SLC25A12: variants seen among roughly 807,000 people sequenced by gnomAD.
SLC25A12 encodes the protein solute carrier family 25 member 12, also known as electrogenic aspartate/glutamate antiporter SLC25A12, mitochondrial.
SLC25A12 carries 32 observed loss-of-function variants against 83.3 expected under a neutral mutation model. The ratio of observed to expected loss-of-function variants is 0.38; its 90% CI spans 0.29 to 0.52. The LOEUF (loss-of-function observed/expected upper bound fraction) is 0.52. Among genes scored for constraint, SLC25A12 ranks in the 20% least tolerant of loss-of-function variants. The probability of loss-of-function intolerance (pLI) is 0.84; values close to 1 mark genes in which losing one functional copy is unlikely to be tolerated. For missense variants in SLC25A12, 611 were observed against 835.6 expected, an observed-to-expected ratio of 0.73 and a Z score of 3.31; for synonymous variants, 267 against 291.1, an observed-to-expected ratio of 0.92 and a Z score of 0.84.
At chr2:171,844,920 C>G (rs1445376801) in intron 4 of SLC25A12, among the ~76,000 whole-genome samples, 2 of 152,080 alleles carry the variant, frequency 1.3e-5, no homozygotes, top group African/African-American at 2.4e-5. Context: ...CAATATTTGT[C>G]ATACTAAGTA....
Position 171,783,641 on chromosome 2 carries a change from C to T in SLC25A12, c.*1633G>A, listed in dbSNP as rs1690435790. Among the ~76,000 whole-genome samples, 2 of 152,172 alleles carry T rather than the reference C, an allele frequency of 1.3e-5. No homozygotes were observed. Among genetic ancestry groups the T allele is most frequent in the South Asian group, 4.1e-4 (2 of 4,830 alleles). ...GGAGGTAGAAGGAGGGTAAGCGGGA[C>T]ACTTTCCCATCTCACTCTAGATACA... On this transcript the variant is annotated 3_prime_UTR_variant, in exon 18 of 18. Transcript: ENST00000422440.
intron 2 of SLC25A12, among the ~76,000 whole-genome samples, chr2:171,875,988 A>G (rs1006894545): frequency 1.6e-4 from 24 of 151,652 alleles, no homozygotes; most frequent in African/African-American, 5.1e-4. Context: ...AGTATACTGT[A>G]TATATGGAAT....
At chr2:171,817,756 T>C (rs549314504) in intron 9 of SLC25A12, among the ~76,000 whole-genome samples, 105 of 152,248 alleles carry the variant, frequency 6.9e-4, no homozygotes, top group Non-Finnish European at 1.1e-3. Context: ...GAATTAAAAC[T>C]CACAGAATAA....
At chr2:171,834,984 A>T (rs1294680150) in intron 6 of SLC25A12, 119 bp from the exon 7 acceptor site, 7 of 1,033,420 alleles carry the variant, frequency 6.8e-6, no homozygotes, top group Non-Finnish European at 1.0e-5. Context: ...TGATGTTAAC[A>T]ACCAGTACAT....
chr2:171,833,815 C>A (rs1684499221), intron 8 of SLC25A12, 148 bp downstream of exon 8: 7 of 542,304 alleles, frequency 1.3e-5, no homozygotes, highest in Non-Finnish European at 2.4e-5. Context: ...GTTACATCTG[C>A]TTGTCTTTCT....
At position 171,862,936 on chromosome 2, in the gene SLC25A12, GC is replaced by G. The variant is rs201913778; in HGVS notation, c.209+5744del. ...TCGTTAAGACAGAATCTCACATTTT[GC>G]CCCTCAGGCTGGAGTGCAGTGGCTC... is the stretch of plus-strand genomic sequence containing the variant. On this transcript the variant is annotated intron_variant, in intron 3 of 17. Coordinates refer to ENST00000422440, the MANE Select transcript of SLC25A12 (RefSeq NM_003705.5). 5.7e-3 allele frequency among the ~76,000 whole-genome samples: 874 copies of G among 152,168 alleles called. 6 individuals carry two copies. The highest frequency in any genetic ancestry group is 0.018 in the African/African-American group (740 of 41,530).
chr2:171,893,038 G>A (rs1485605615), intron 2 of SLC25A12, among the ~76,000 whole-genome samples, 167 bp downstream of exon 2: 1 of 151,588 alleles, frequency 6.6e-6, no homozygotes, highest in African/African-American at 2.4e-5. Flanking sequence ...ATTAAAAGAA[G>A]GCCTTAAATC....
intron 3 of SLC25A12, among the ~76,000 whole-genome samples, chr2:171,865,857 T>C (rs1173049899): frequency 6.6e-6 from 1 of 151,872 alleles, no homozygotes; most frequent in Non-Finnish European, 1.5e-5. Context: ...AAAAAATTTT[T>C]TTTAATTGAT....
intron 13 of SLC25A12, among the ~76,000 whole-genome samples, chr2:171,798,677 C>T (rs1330643929): frequency 6.6e-6 from 1 of 152,204 alleles, no homozygotes; most frequent in East Asian, 1.9e-4. Flanking sequence ...CACCACCAAC[C>T]GTTCATATTT....
In SLC25A12 at chr2:171,784,678, A is replaced by T. The variant is rs1488215551; in HGVS notation, c.*596T>A. ...GGCATCCACTGGCATGCATCTTTCC[A>T]AAGTATCACTTATTCAGTGGTAGCA... is the stretch of plus-strand genomic sequence containing the variant. On this transcript the variant is annotated 3_prime_UTR_variant, in exon 18 of 18. Coordinates refer to ENST00000422440, the MANE Select transcript of SLC25A12 (RefSeq NM_003705.5). 1 of 167,052 alleles carries T rather than the reference A, an allele frequency of 6.0e-6. No individual in the cohort carries two copies. Among genetic ancestry groups the T allele is most frequent in the Non-Finnish European group, 1.3e-5 (1 of 76,196 alleles). 10.3% of individuals were successfully genotyped at this position (167,052 alleles called of 1,614,324 possible).
chr2:171,816,715 A>G (rs1318575833), intron 9 of SLC25A12, among the ~76,000 whole-genome samples: 2 of 152,228 alleles, frequency 1.3e-5, no homozygotes, highest in Non-Finnish European at 2.9e-5. Context: ...ATATGCTTCA[A>G]TGAGTTTCTA....
chr2:171,814,900 C>T (rs1684018281), intron 10 of SLC25A12, among the ~76,000 whole-genome samples: 4 of 152,176 alleles, frequency 2.6e-5, no homozygotes, highest in Admixed American at 2.6e-4. Flanking sequence ...ACTTTCACAT[C>T]ATTACAGAGG....
intron 8 of SLC25A12, among the ~76,000 whole-genome samples, chr2:171,829,638 A>G (rs915462276): frequency 1.3e-5 from 2 of 152,124 alleles, no homozygotes; most frequent in Non-Finnish European, 2.9e-5. Context: ...TTCTCCATAA[A>G]TAACATACAA....
At chr2:171,837,954 C>A (rs1684592545) in intron 5 of SLC25A12, among the ~76,000 whole-genome samples, 1 of 152,158 alleles carries the variant, frequency 6.6e-6, no homozygotes, top group Non-Finnish European at 1.5e-5. Flanking sequence ...ATTGGGCAAC[C>A]AAACTTTGTA....
At chr2:171,824,006 C>T (rs1033985596) in intron 9 of SLC25A12, among the ~76,000 whole-genome samples, 3 of 151,986 alleles carry the variant, frequency 2.0e-5, no homozygotes, top group African/African-American at 7.3e-5. Context: ...TGTAAGAATA[C>T]CTAAGACTTC....
chr2:171,828,504 A>C (rs548132340), intron 8 of SLC25A12, among the ~76,000 whole-genome samples: 4 of 152,184 alleles, frequency 2.6e-5, no homozygotes, highest in Admixed American at 2.6e-4. Flanking sequence ...TTTAGAATAC[A>C]TTCTACATCT....
chr2:171,874,972 C>A (rs188276992), intron 2 of SLC25A12, among the ~76,000 whole-genome samples: 1 of 152,178 alleles, frequency 6.6e-6, no homozygotes, highest in Non-Finnish European at 1.5e-5. Flanking sequence ...CTTTTCTCCA[C>A]GGCAGATGGG....
At chr2:171,871,742 C>G in intron 2 of SLC25A12, 1 of 985,038 alleles carries the variant, frequency 1.0e-6, no homozygotes. Flanking sequence ...TCTCTCCTTT[C>G]TTCTAAAACT....
intron 2 of SLC25A12, among the ~76,000 whole-genome samples, chr2:171,892,516 C>T (rs1212617125): frequency 3.9e-5 from 6 of 152,160 alleles, no homozygotes; most frequent in Admixed American, 1.3e-4. Context: ...TGAGCCACCG[C>T]GCCCGGCCTA....
Sources: gnomAD v4.1 joint callset for allele counts (sites outside exome capture counted in the v4.1 genomes callset) on GRCh38, gnomAD v4.1.1 for gene constraint, MANE v1.5 for transcripts, NCBI Gene and HGNC (gene_info 2026-07-23, HGNC 2026-07-21) for gene names.